FAM81A: variants seen among roughly 807,000 people sequenced by gnomAD.
FAM81A encodes the protein protein FAM81A.
In FAM81A, 19 loss-of-function variants were observed where a neutral mutation model predicts 46.7. That is an observed-to-expected ratio of 0.41 (90% CI 0.28 to 0.60). The LOEUF (loss-of-function observed/expected upper bound fraction) is 0.60, where lower values mean the gene tolerates loss of function less well. Ranked by LOEUF, FAM81A falls within the 20% of genes least tolerant of loss-of-function variation. FAM81A has a pLI of 0.34. For synonymous variants in FAM81A, 183 were observed against 152.9 expected (o/e 1.20, Z -1.45); for missense variants, 377 against 453.5 (o/e 0.83, Z 1.53).
rs568712976 is a variant in FAM81A at position 59,516,591 on chromosome 15, C to G, written c.787-54C>G. ...AACGATATTATGGCTGATGTGAATG[C>G]AATGCAGATTTCTTTTTGGAGTGAT... On this transcript the variant is annotated intron_variant, in intron 7 of 8. Coordinates refer to ENST00000288228, the MANE Select transcript of FAM81A (RefSeq NM_152450.3). The G allele has an allele frequency of 3.2e-5, 49 of 1,537,588 alleles. No individual in the cohort carries two copies. The African/African-American group carries it at 5.4e-4, about 17-fold the overall frequency.
intron 6 of FAM81A, among the ~76,000 whole-genome samples, chr15:59,511,725 C>T (rs544244985): frequency 6.6e-6 from 1 of 152,252 alleles, no homozygotes; most frequent in South Asian, 2.1e-4. Flanking sequence ...GATCTCGGCT[C>T]ACTGCAACCT....
At chr15:59,425,834 A>T (rs756114500) in intron 2 of FAM81A, among the ~76,000 whole-genome samples, 83 of 152,236 alleles carry the variant, frequency 5.5e-4, no homozygotes, top group Non-Finnish European at 9.0e-4. Context: ...TATGCTGCCC[A>T]GGCTTGTCTT....
chr15:59,475,669 G>T (rs1197219845), intron 3 of FAM81A, among the ~76,000 whole-genome samples: 2 of 152,120 alleles, frequency 1.3e-5, no homozygotes, highest in East Asian at 3.8e-4. Context: ...TCTAAATTTG[G>T]CAAAAAATTT....
chr15:59,483,980 C>T (rs1596515087), intron 3 of FAM81A, among the ~76,000 whole-genome samples: 1 of 152,196 alleles, frequency 6.6e-6, no homozygotes, highest in African/African-American at 2.4e-5. Flanking sequence ...GAGGCATCCT[C>T]CTGGTACCTC....
chr15:59,517,341 G>A (rs1478843650), intron 8 of FAM81A, among the ~76,000 whole-genome samples: 1 of 152,190 alleles, frequency 6.6e-6, no homozygotes, highest in Non-Finnish European at 1.5e-5. Context: ...GGAGGGATTA[G>A]ATTTACGCTC....
chr15:59,416,866 C>T (rs2081148884), intron 2 of FAM81A, among the ~76,000 whole-genome samples: 1 of 152,094 alleles, frequency 6.6e-6, no homozygotes, highest in Non-Finnish European at 1.5e-5. Context: ...ACATTTTGTG[C>T]AACTATTTGA....
chr15:59,471,478 T>C (rs2081688997), intron 3 of FAM81A, among the ~76,000 whole-genome samples: 1 of 152,070 alleles, frequency 6.6e-6, no homozygotes, highest in African/African-American at 2.4e-5. Context: ...GTTCTTTTTT[T>C]TCTGGAGAGA....
intron 4 of FAM81A, among the ~76,000 whole-genome samples, chr15:59,500,929 A>G (rs1028931055): frequency 2.0e-5 from 3 of 152,062 alleles, no homozygotes; most frequent in Non-Finnish European, 4.4e-5. Flanking sequence ...TGTGGTTTCA[A>G]TCATCCTATG....
chr15:59,465,612 G>A lies in FAM81A; in HGVS notation c.294+5406G>A, dbSNP rs562052850. 5.3e-5 allele frequency among the ~76,000 whole-genome samples: 8 copies of A among 152,016 alleles called. 1 individual carries two copies. The highest frequency in any genetic ancestry group is 8.8e-5 in the Non-Finnish European group (6 of 68,000). On this transcript the variant is annotated intron_variant, in intron 3 of 8. Transcript: ENST00000288228. ...GCCCAGGGTTGCTTTGTCTATTCGC[G>A]GTCTTTTGTGGTTCCATACAAATTT...
intron 3 of FAM81A, among the ~76,000 whole-genome samples, chr15:59,464,821 T>A: frequency 6.6e-6 from 1 of 152,194 alleles, no homozygotes; most frequent in East Asian, 1.9e-4. Context: ...TTGTTTGATA[T>A]AATCCATTTG....
intron 2 of FAM81A, among the ~76,000 whole-genome samples, chr15:59,416,703 A>G (rs1246847585): frequency 5.9e-5 from 9 of 152,198 alleles, no homozygotes; most frequent in Non-Finnish European, 1.3e-4. Flanking sequence ...AGTATTTATC[A>G]TGTGCCGGGC....
chr15:59,434,672 G>A (rs540982924), upstream of FAM81A, among the ~76,000 whole-genome samples: 2 of 152,220 alleles, frequency 1.3e-5, no homozygotes, highest in East Asian at 1.9e-4. Context: ...TGTTCCTTGT[G>A]GTCAAATTCT....
At chr15:59,413,250 T>C (rs1372648510) in intron 2 of FAM81A, among the ~76,000 whole-genome samples, 1 of 152,016 alleles carries the variant, frequency 6.6e-6, no homozygotes, top group Non-Finnish European at 1.5e-5. Flanking sequence ...ATAGGGGCTG[T>C]CCCTCGTTGT....
rs1002178916 is a variant in FAM81A, at chr15:59,506,954, C to T, written c.414-259C>T. The stretch of plus-strand genomic sequence containing the variant: ...TTGTATTGGCCTCTCGCTGCACATA[C>T]AGTGTTGTACTCATGATCGTTGGAA... On this transcript the variant is annotated intron_variant, in intron 4 of 8. Transcript: ENST00000288228. Among the ~76,000 whole-genome samples, 24 of 152,208 alleles carry T rather than the reference C, an allele frequency of 1.6e-4. 1 individual carries two copies. The highest frequency in any genetic ancestry group is 1.4e-3 in the Admixed American group (21 of 15,290).
At chr15:59,502,487 G>C (rs1362271684) in intron 4 of FAM81A, among the ~76,000 whole-genome samples, 2 of 108,826 alleles carry the variant, frequency 1.8e-5, no homozygotes, top group Admixed American at 1.8e-4. Flanking sequence ...TGACTTCACT[G>C]TGTGTGTGTG....
chr15:59,507,905 C>T (rs2082166389), intron 5 of FAM81A, among the ~76,000 whole-genome samples: 1 of 152,218 alleles, frequency 6.6e-6, no homozygotes, highest in African/African-American at 2.4e-5. Flanking sequence ...CCTTTGCCAT[C>T]ATAGGGCGTG....
Position 59,432,931 on chromosome 15 carries a change from C to T in FAM81A, c.-77-25619C>T, listed in dbSNP as rs553941901. The stretch of plus-strand genomic sequence containing the variant: ...TGGGCAGATCACGAGGTCAGGAGAT[C>T]GAGACCATCCTCCCTAACACGGTGA... On this transcript the variant is annotated intron_variant, in intron 2 of 4. Transcript: ENST00000558348. 1.3e-4 allele frequency among the ~76,000 whole-genome samples: 18 copies of T among 142,410 alleles called. No individual in the cohort carries two copies. The South Asian group carries it at 3.4e-3, about 27-fold the overall frequency. The allele number at this position is 142,410 out of a possible 152,430, so 93.4% of individuals were successfully genotyped here.
intron 1 of FAM81A, among the ~76,000 whole-genome samples, chr15:59,440,389 G>A (rs1035558477): frequency 1.3e-5 from 2 of 152,146 alleles, no homozygotes; most frequent in Non-Finnish European, 2.9e-5. Flanking sequence ...CAATTCTGAT[G>A]TACACCCAGG....
At chr15:59,415,500 A>G (rs1358583455) in intron 2 of FAM81A, among the ~76,000 whole-genome samples, 1 of 152,220 alleles carries the variant, frequency 6.6e-6, no homozygotes, top group Non-Finnish European at 1.5e-5. Context: ...ACAGGGAGGC[A>G]GACGAGAGGC....
Sources: gnomAD v4.1 joint callset for allele counts (sites outside exome capture counted in the v4.1 genomes callset) on GRCh38, gnomAD v4.1.1 for gene constraint, MANE v1.5 for transcripts, NCBI Gene and HGNC (gene_info 2026-07-23, HGNC 2026-07-21) for gene names.